NAV2: variants seen among roughly 807,000 people sequenced by gnomAD.
NAV2 encodes helicase, APC down-regulated 1.
A neutral mutation model predicts 223.2 loss-of-function variants in NAV2; 54 were observed. The observed-to-expected ratio is 0.24, with a 90% CI of 0.19 to 0.30. NAV2 has a LOEUF of 0.30. Among genes scored for constraint, NAV2 ranks in the 10% least tolerant of loss-of-function variants. NAV2 has a pLI of 1.00. For missense variants in NAV2, 2,806 were observed against 3,147.5 expected (o/e 0.89, Z 2.60); for synonymous variants, 1,279 against 1,239.3 (o/e 1.03, Z -0.67).
chr11:19,660,114 T>C (rs1423556932), intron 1 of NAV2, among the ~76,000 whole-genome samples: 2 of 152,198 alleles, frequency 1.3e-5, no homozygotes, highest in African/African-American at 4.8e-5. Flanking sequence ...ACTGTTTGTG[T>C]TCCCTTCCCC....
Position 19,946,411 on chromosome 11 carries a change from T to C in NAV2, c.2157T>C (p.Pro719=), listed in dbSNP as rs2046943518. The change falls in exon 9 of 38, where the codon CCT becomes CCC. Residue 719 remains proline (P), a synonymous_variant. Transcript: ENST00000349880. ...CCCTCATCTTTCTAGGGGAAGATCC[T>C]GAGGCTCGGCGGCTGCGGACAGTGA... ...PALEELTGED[P]EARRLRTVKN... 1 of 1,612,306 alleles carries C rather than the reference T, an allele frequency of 6.2e-7. No individual in the cohort carries two copies.
intron 1 of NAV2, among the ~76,000 whole-genome samples, chr11:19,726,701 T>A (rs1590195098): frequency 1.3e-5 from 2 of 152,366 alleles, no homozygotes; most frequent in African/African-American, 4.8e-5. Flanking sequence ...CTAACAAAAG[T>A]ATGGTCTGTG....
At chr11:20,036,151 C>T in intron 12 of NAV2, 54 bp downstream of exon 12, 13 of 1,610,096 alleles carry the variant, frequency 8.1e-6, no homozygotes, top group Non-Finnish European at 1.0e-5. Flanking sequence ...CAGCAGGGAA[C>T]CTTGGGCTTG....
chr11:19,976,305 C>T (rs1226948896), intron 10 of NAV2, among the ~76,000 whole-genome samples: 1 of 152,140 alleles, frequency 6.6e-6, no homozygotes, highest in African/African-American at 2.4e-5. Flanking sequence ...GCCCGTATTT[C>T]AAGCAGCAGG....
intron 11 of NAV2, among the ~76,000 whole-genome samples, chr11:19,986,308 C>T (rs896904195): frequency 9.9e-5 from 15 of 152,086 alleles, no homozygotes; most frequent in African/African-American, 2.9e-4. Flanking sequence ...TGGAATGCTC[C>T]GATATGATCA....
At position 20,101,008 on chromosome 11, in the gene NAV2, G is replaced by A. The variant is rs750404096; in HGVS notation, c.6253G>A (p.Val2085Ile). 42 of 1,614,000 alleles carry A rather than the reference G, an allele frequency of 2.6e-5. No individual in the cohort carries two copies. Among genetic ancestry groups the A allele is most frequent in the Non-Finnish European group, 3.3e-5 (39 of 1,180,030 alleles). The change falls in exon 32 of 38, where the codon GTC (valine) becomes ATC (isoleucine). Residue 2085 changes from valine to isoleucine, a missense_variant. Coordinates refer to ENST00000349880, the MANE Select transcript of NAV2 (RefSeq NM_145117.5). ...TCCCAAGCCCATCCTGCAGCGCTAC[G>A]TCTCCCTCCTGATAGAGCACCGTCG... ...LIPKPILQRY[V>I]SLLIEHRRII...
chr11:19,415,988 A>G (rs1850350239), intron 1 of NAV2, among the ~76,000 whole-genome samples: 1 of 152,322 alleles, frequency 6.6e-6, no homozygotes, highest in Admixed American at 6.5e-5. Context: ...AACCAACATC[A>G]TACTAAATGG....
intron 1 of NAV2, among the ~76,000 whole-genome samples, chr11:19,472,147 C>T (rs2041984179): frequency 6.6e-6 from 1 of 152,204 alleles, no homozygotes; most frequent in Non-Finnish European, 1.5e-5. Flanking sequence ...GGAGATTAGA[C>T]TGTGTTTTCT....
chr11:19,503,582 C>T (rs766370497), intron 1 of NAV2: 1 of 152,182 alleles, frequency 6.6e-6, no homozygotes, highest in Non-Finnish European at 1.5e-5. Context: ...TCTTCCTTCA[C>T]TTAGTAATAT....
chr11:19,757,658 T>C lies in NAV2; in HGVS notation c.267+43696T>C, dbSNP rs556198473. 5.3e-5 allele frequency among the ~76,000 whole-genome samples: 8 copies of C among 152,216 alleles called. No individual in the cohort carries two copies. The Middle Eastern group carries it at 0.01, about 194-fold the overall frequency. ...GGCTGCATGGTGTGTGATGGGAAGGTATAAGGGACATGAATAGCCCTGTAT... is the reference window on the plus strand; with the variant it reads ...GGCTGCATGGTGTGTGATGGGAAGGCATAAGGGACATGAATAGCCCTGTAT... On this transcript the variant is annotated intron_variant, in intron 1 of 37. Coordinates refer to ENST00000349880, the MANE Select transcript of NAV2 (RefSeq NM_145117.5).
rs1033894347 is a variant in NAV2 at position 19,520,549 on chromosome 11, C to T, written c.75+169522C>T. Among the ~76,000 whole-genome samples the T allele has an allele frequency of 1.8e-4, 27 of 152,206 alleles. 1 individual carries two copies. Among genetic ancestry groups the T allele is most frequent in the Non-Finnish European group, 8.8e-5 (6 of 68,038 alleles). On this transcript the variant is annotated intron_variant, in intron 1 of 37. Coordinates refer to the NAV2 transcript ENST00000360655. Reference sequence around the variant, plus strand: ...CTGCCTGCTTTCCATTCAGTGACAGCTCCTTCCTGCCCCAAGCTCTATGCA... The same window carrying T: ...CTGCCTGCTTTCCATTCAGTGACAGTTCCTTCCTGCCCCAAGCTCTATGCA...
At chr11:19,941,952 A>AT (rs543247633) in intron 8 of NAV2, among the ~76,000 whole-genome samples, 275 of 151,980 alleles carry the variant, frequency 1.8e-3, no homozygotes, top group East Asian at 9.9e-3. Flanking sequence ...AAAATCCTGG[A>AT]TTTTTTCCAT....
At chr11:20,021,444 G>T (rs1178236278) in intron 11 of NAV2, among the ~76,000 whole-genome samples, 1 of 152,204 alleles carries the variant, frequency 6.6e-6, no homozygotes, top group Non-Finnish European at 1.5e-5. Context: ...GCGTGTGTGT[G>T]CATCTGTGCC....
chr11:19,741,687 GTATATATATATA>G (rs1156844957), intron 1 of NAV2, among the ~76,000 whole-genome samples: 1,241 of 21,020 alleles, frequency 0.059, 20 homozygotes, highest in East Asian at 0.42. Context: ...GTGTGTGTGT[GTATATATATATA>G]TATATATATA....
At chr11:20,074,164 T>A (rs2059577595) in intron 22 of NAV2, among the ~76,000 whole-genome samples, 3 of 152,228 alleles carry the variant, frequency 2.0e-5, no homozygotes, top group African/African-American at 7.2e-5. Flanking sequence ...AAGAACATCT[T>A]TATTTCTGCC....
At chr11:19,756,711 G>A (rs1480416672) in intron 1 of NAV2, among the ~76,000 whole-genome samples, 2 of 152,158 alleles carry the variant, frequency 1.3e-5, no homozygotes, top group Non-Finnish European at 1.5e-5. Flanking sequence ...AGTATGCCGC[G>A]TGAAACTATT....
At chr11:19,765,634 T>C (rs1373854567) in intron 1 of NAV2, among the ~76,000 whole-genome samples, 1 of 152,150 alleles carries the variant, frequency 6.6e-6, no homozygotes, top group African/African-American at 2.4e-5. Context: ...TCTCTCCTGC[T>C]CACATCTTCT....
intron 16 of NAV2, among the ~76,000 whole-genome samples, chr11:20,050,994 C>T (rs551750936): frequency 6.6e-6 from 1 of 152,282 alleles, no homozygotes; most frequent in African/African-American, 2.4e-5. Flanking sequence ...GGTGGAGCAA[C>T]CCCTGAATTT....
intron 1 of NAV2, among the ~76,000 whole-genome samples, chr11:19,584,646 C>T (rs1460108229): frequency 3.9e-5 from 6 of 152,164 alleles, no homozygotes; most frequent in African/African-American, 4.8e-5. Flanking sequence ...ACCCAGTAGT[C>T]GTTCAGGAGC....
Sources: gnomAD v4.1 joint callset for allele counts (sites outside exome capture counted in the v4.1 genomes callset) on GRCh38, gnomAD v4.1.1 for gene constraint, MANE v1.5 for transcripts, NCBI Gene and HGNC (gene_info 2026-07-23, HGNC 2026-07-21) for gene names.